The following RBFOX1 variants were observed in gnomAD, a reference collection of about 807,000 sequenced individuals.
RBFOX1 encodes the protein RNA binding fox-1 homolog 1, also known as RNA binding protein fox-1 homolog 1.
Under a neutral mutation model 57.7 loss-of-function variants are expected in RBFOX1, and 8 were observed. The ratio of observed to expected loss-of-function variants is 0.14; its 90% CI spans 0.08 to 0.25. RBFOX1 has a LOEUF of 0.25. Among genes scored for constraint, RBFOX1 ranks in the 10% least tolerant of loss-of-function variants. The pLI is 1.00. For missense variants in RBFOX1, 611 were observed against 548.5 expected (o/e 1.11, Z -1.14); for synonymous variants, 326 against 222.4 (o/e 1.47, Z -4.15).
At chr16:5,761,884 C>A (rs933684980) in intron 3 of RBFOX1, among the ~76,000 whole-genome samples, 2 of 152,086 alleles carry the variant, frequency 1.3e-5, no homozygotes, top group Non-Finnish European at 2.9e-5. Flanking sequence ...AGGTCTGGTC[C>A]TTACACAGCT....
At chr16:6,259,634 C>T (rs900603083) in intron 1 of RBFOX1, among the ~76,000 whole-genome samples, 2 of 152,030 alleles carry the variant, frequency 1.3e-5, no homozygotes, top group Non-Finnish European at 2.9e-5. Flanking sequence ...TGAAAAATAT[C>T]TGCGATCATG....
intron 3 of RBFOX1, among the ~76,000 whole-genome samples, chr16:6,991,635 C>G (rs1045497405): frequency 1.3e-5 from 2 of 152,126 alleles, no homozygotes; most frequent in African/African-American, 4.8e-5. Context: ...CTCCCAGGCT[C>G]AAGCCATCCT....
chr16:6,191,039 C>G lies in RBFOX1; in HGVS notation c.-126-125956C>G, dbSNP rs183124558. Among the ~76,000 whole-genome samples the G allele has an allele frequency of 4.6e-5, 7 of 151,650 alleles. No individual in the cohort carries two copies. In the East Asian group the frequency reaches 1.2e-3, roughly 25 times the overall value. On this transcript the variant is annotated intron_variant, in intron 1 of 15. Transcript: ENST00000550418. ...TGCATTTGACCTTGACAGCCAAGGT[C>G]TGTGTGGTTCCTCTTTGCTTTCTGT...
chr16:6,071,969 A>T (rs2095843218), intron 1 of RBFOX1, among the ~76,000 whole-genome samples: 1 of 152,196 alleles, frequency 6.6e-6, no homozygotes, highest in African/African-American at 2.4e-5. Flanking sequence ...CATTTTCTTC[A>T]TTCATTTGTT....
intron 3 of RBFOX1, among the ~76,000 whole-genome samples, chr16:6,709,725 G>T (rs770741799): frequency 8.5e-5 from 13 of 152,112 alleles, no homozygotes; most frequent in Non-Finnish European, 1.9e-4. Context: ...CGGTGGAACA[G>T]TTCCCTGGTA....
At chr16:5,998,971 A>G (rs2060538743) in intron 4 of RBFOX1, among the ~76,000 whole-genome samples, 1 of 152,172 alleles carries the variant, frequency 6.6e-6, no homozygotes, top group South Asian at 2.1e-4. Flanking sequence ...TCCCAGTCCA[A>G]AAAAATCTAT....
intron 3 of RBFOX1, among the ~76,000 whole-genome samples, chr16:7,037,785 C>T (rs561048080): frequency 3.8e-4 from 58 of 152,202 alleles, no homozygotes; most frequent in African/African-American, 1.4e-3. Context: ...GGAAGTCTGG[C>T]TTTCGATTTT....
At chr16:5,272,297 A>G (rs1016698915) in intron 1 of RBFOX1, among the ~76,000 whole-genome samples, 3 of 152,382 alleles carry the variant, frequency 2.0e-5, no homozygotes, top group South Asian at 4.1e-4. Context: ...TCCACATTGT[A>G]TACAGATATC....
intron 4 of RBFOX1, among the ~76,000 whole-genome samples, chr16:5,874,674 G>A (rs910865724): frequency 6.6e-6 from 1 of 152,172 alleles, no homozygotes; most frequent in Non-Finnish European, 1.5e-5. Flanking sequence ...GCTGGGCGAG[G>A]TGGTTTATGC....
In RBFOX1 at chr16:5,894,460, A is replaced by C. The variant is rs566298786; in HGVS notation, c.351+27125A>C. The stretch of plus-strand genomic sequence containing the variant: ...GGCTAATTTTTTGTATTTTTAGTAG[A>C]GATAGGGTTTTGCCATGTTGGCCTG... On this transcript the variant is annotated intron_variant, in intron 4 of 19. Transcript: ENST00000641259. 6.4e-4 allele frequency among the ~76,000 whole-genome samples: 98 copies of C among 152,058 alleles called. 1 individual carries two copies. The highest frequency in any genetic ancestry group is 3.5e-4 in the Non-Finnish European group (24 of 67,980).
chr16:6,780,283 A>ATACATATATATATTTT (rs2080609203), intron 3 of RBFOX1, among the ~76,000 whole-genome samples: 1 of 55,748 alleles, frequency 1.8e-5, no homozygotes, highest in African/African-American at 1.0e-4. Flanking sequence ...ATATATATTT[A>ATACATATATATATTTT]TACATATATA....
At chr16:5,919,901 A>G (rs935705550) in intron 4 of RBFOX1, among the ~76,000 whole-genome samples, 13 of 152,244 alleles carry the variant, frequency 8.5e-5, no homozygotes, top group Admixed American at 2.6e-4. Flanking sequence ...TTCACTGAGC[A>G]TAATGTGTTC....
At chr16:7,673,917 G>T (rs2072437525) in intron 13 of RBFOX1, among the ~76,000 whole-genome samples, 1 of 152,154 alleles carries the variant, frequency 6.6e-6, no homozygotes, top group South Asian at 2.1e-4. Flanking sequence ...ACATGAACAT[G>T]GTCTGGTGAC....
At chr16:5,477,345 A>G (rs1212411164) in intron 2 of RBFOX1, among the ~76,000 whole-genome samples, 1 of 152,096 alleles carries the variant, frequency 6.6e-6, no homozygotes, top group African/African-American at 2.4e-5. Flanking sequence ...GATGATGGTG[A>G]TGGTGCTGGG....
At chr16:7,497,752 A>T (rs75934324) in intron 4 of RBFOX1, among the ~76,000 whole-genome samples, 14 of 152,324 alleles carry the variant, frequency 9.2e-5, no homozygotes, top group Non-Finnish European at 1.9e-4. Flanking sequence ...TTTCTTTCTG[A>T]TCAAATTCAA....
At chr16:5,724,337 G>A (rs79507636) in intron 3 of RBFOX1, among the ~76,000 whole-genome samples, 12,421 of 152,182 alleles carry the variant, frequency 0.082, 1,668 homozygotes, top group African/African-American at 0.28. Context: ...TGCTTTCACT[G>A]CCATTTGGGG....
intron 2 of RBFOX1, among the ~76,000 whole-genome samples, chr16:6,480,474 A>AT (rs568195772): frequency 2.0e-5 from 3 of 152,150 alleles, no homozygotes; most frequent in Non-Finnish European, 4.4e-5. Flanking sequence ...AATTTCCTAC[A>AT]TTTTTTACAC....
intron 3 of RBFOX1, among the ~76,000 whole-genome samples, chr16:6,727,673 T>C (rs2067561986): frequency 2.0e-5 from 3 of 152,104 alleles, no homozygotes; most frequent in Admixed American, 6.5e-5. Flanking sequence ...AAATGAGGAA[T>C]GTGTCTACTT....
intron 4 of RBFOX1, among the ~76,000 whole-genome samples, chr16:7,175,337 T>A (rs559800762): frequency 6.6e-6 from 1 of 151,856 alleles, no homozygotes; most frequent in Admixed American, 6.6e-5. Flanking sequence ...GCCTGTGAAA[T>A]GGGTCTCAGT....
Sources: gnomAD v4.1 joint callset for allele counts (sites outside exome capture counted in the v4.1 genomes callset) on GRCh38, gnomAD v4.1.1 for gene constraint, MANE v1.5 for transcripts, NCBI Gene and HGNC (gene_info 2026-07-23, HGNC 2026-07-21) for gene names.